The following AMY1C variants were observed in gnomAD, a reference collection of about 807,000 sequenced individuals.
The protein encoded by AMY1C is alpha-amylase 1C.
Under a neutral mutation model 13.4 loss-of-function variants are expected in AMY1C, and 3 were observed. The observed-to-expected ratio is 0.22, with a 90% CI of 0.10 to 0.58. The LOEUF (loss-of-function observed/expected upper bound fraction) is 0.58, where lower values mean the gene tolerates loss of function less well. Among genes scored for constraint, AMY1C ranks in the 20% least tolerant of loss-of-function variants. AMY1C has a pLI of 0.91. For synonymous variants in AMY1C, 1 was observed against 28.5 expected, an observed-to-expected ratio of 0.04 and a Z score of 3.07; for missense variants, 5 against 96.4, an observed-to-expected ratio of 0.05 and a Z score of 3.97.
rs761349843 is a variant in AMY1C, at chr1:103,754,498, G to C, written c.879-1G>C. 7.5e-7 allele frequency: 1 copy of C among 1,328,518 alleles called. No homozygotes were observed. 82.3% of individuals were successfully genotyped at this position (1,328,518 alleles called of 1,614,324 possible). A position where few individuals can be genotyped will look rare whatever the true frequency, so the allele number is the denominator to read the frequency against. ...ACGTATATCTTATGTTTCAAAAATA[G>C]GAACTGGGGAGAAGGTTGGGGTTTC... is the stretch of plus-strand genomic sequence containing the variant. On this transcript the variant is annotated splice_acceptor_variant, in intron 6 of 10. Coordinates refer to ENST00000622339, the MANE Select transcript of AMY1C (RefSeq NM_001008219.3). LOFTEE classifies it high-confidence loss of function.
intron 8 of AMY1C, among the ~76,000 whole-genome samples, chr1:103,755,873 GT>G (rs1243236547): frequency 1.0e-4 from 14 of 137,768 alleles, no homozygotes; most frequent in Admixed American, 1.4e-4. Context: ...GTTACTCTGT[GT>G]TTTTTAATGA....
At chr1:103,754,903 A>G in intron 8 of AMY1C, 89 bp downstream of exon 8, 4 of 971,278 alleles carry the variant, frequency 4.1e-6, no homozygotes, top group Non-Finnish European at 4.3e-6. Context: ...TTAAGTGTTT[A>G]TTTATTCAAC....
chr1:103,755,994 A>G (rs1246790820), intron 8 of AMY1C, among the ~76,000 whole-genome samples: 3 of 141,636 alleles, frequency 2.1e-5, no homozygotes, highest in Non-Finnish European at 4.8e-5. Flanking sequence ...AAGAAGCATG[A>G]CGGCCTCCAA....
chr1:103,755,082 C>A (rs879756693), intron 8 of AMY1C, among the ~76,000 whole-genome samples: 161 of 66,422 alleles, frequency 2.4e-3, no homozygotes, highest in Non-Finnish European at 3.4e-3. Flanking sequence ...ATTAAAAAAA[C>A]CACTTAAAAA....
intron 8 of AMY1C, among the ~76,000 whole-genome samples, chr1:103,755,933 C>A (rs1398801732): frequency 2.1e-5 from 3 of 142,820 alleles, no homozygotes; most frequent in Non-Finnish European, 4.8e-5. Context: ...AAAATATGGT[C>A]AATTTATAAA....
intron 6 of AMY1C, 149 bp from the exon 7 acceptor site, chr1:103,754,348 GTA>G (rs1309720976): frequency 2.1e-3 from 970 of 466,660 alleles, no homozygotes; most frequent in East Asian, 2.7e-3. Flanking sequence ...GTGTGTGTGT[GTA>G]TATATATATA....
chr1:103,754,695 T>A lies in AMY1C; in HGVS notation c.1002-20T>A, dbSNP rs375625460. On this transcript the variant is annotated intron_variant, in intron 7 of 10. Coordinates refer to ENST00000622339, the MANE Select transcript of AMY1C (RefSeq NM_001008219.3). ...TGAATATTGTGATATTCTATGATAA[T>A]ATAATTATGTAACTTTCAGGCTGTA... is the stretch of plus-strand genomic sequence containing the variant. The A allele has an allele frequency of 9.1e-6, 14 of 1,544,182 alleles. 2 individuals carry two copies. Among genetic ancestry groups the A allele is most frequent in the Admixed American group, 2.0e-5 (1 of 50,780 alleles).
intron 1 of AMY1C, 68 bp from the exon 2 acceptor site, chr1:103,750,356 G>A (rs868134527): frequency 4.8e-6 from 1 of 209,108 alleles, no homozygotes; most frequent in Non-Finnish European, 6.3e-6. Context: ...TTCAGATTAT[G>A]AATAAACAGT....
At chr1:103,756,070 G>T (rs962571000) in intron 8 of AMY1C, among the ~76,000 whole-genome samples, 23 of 117,250 alleles carry the variant, frequency 2.0e-4, no homozygotes, top group South Asian at 3.4e-4. Context: ...TATAGCAAAA[G>T]AACTCATTAT....
chr1:103,754,517 G>A lies in AMY1C; in HGVS notation c.897G>A (p.Trp299Ter). Residue 299 changes from tryptophan (W) to a stop codon, truncating the protein, a stop_gained, in exon 7 of 11, where the codon TGG becomes TGA. Coordinates refer to ENST00000622339, the MANE Select transcript of AMY1C (RefSeq NM_001008219.3). LOFTEE classifies it high-confidence loss of function. ...AAAATAGGAACTGGGGAGAAGGTTG[G>A]GGTTTCATGCCTTCTGACAGAGCGC... ...MSYLKNWGEG[W>*]GFMPSDRALV... The A allele has an allele frequency of 3.5e-6, 5 of 1,417,028 alleles. 1 individual carries two copies. Among genetic ancestry groups the A allele is most frequent in the South Asian group, 1.1e-5 (1 of 87,812 alleles). 87.8% of individuals were successfully genotyped at this position (1,417,028 alleles called of 1,614,324 possible).
chr1:103,755,935 A>G (rs1653945745), intron 8 of AMY1C, among the ~76,000 whole-genome samples: 2 of 143,280 alleles, frequency 1.4e-5, no homozygotes, highest in South Asian at 4.8e-4. Context: ...AATATGGTCA[A>G]TTTATAAAAA....
At chr1:103,755,855 T>C (rs1445696373) in intron 8 of AMY1C, among the ~76,000 whole-genome samples, 1 of 134,006 alleles carries the variant, frequency 7.5e-6, no homozygotes, top group East Asian at 2.1e-4. Flanking sequence ...ACTGATAAAC[T>C]TCCTAGGGTT....
At chr1:103,755,557 C>T (rs1466669349) in intron 8 of AMY1C, among the ~76,000 whole-genome samples, 2 of 69,448 alleles carry the variant, frequency 2.9e-5, no homozygotes, top group Non-Finnish European at 5.9e-5. Context: ...ATGAGTCACA[C>T]AGATATCTAG....
chr1:103,755,591 A>G (rs1239252970), intron 8 of AMY1C, among the ~76,000 whole-genome samples: 3 of 79,190 alleles, frequency 3.8e-5, no homozygotes, highest in Non-Finnish European at 8.2e-5. Flanking sequence ...GATTCCTTTC[A>G]GTTTGAGAAG....
At chr1:103,755,661 T>C (rs1200630365) in intron 8 of AMY1C, among the ~76,000 whole-genome samples, 1 of 106,234 alleles carries the variant, frequency 9.4e-6, no homozygotes, top group Non-Finnish European at 2.2e-5. Flanking sequence ...TTAGAAGGTG[T>C]ACTTTTATAT....
chr1:103,750,108 T>C (rs1653859453), intron 1 of AMY1C, 42 bp downstream of exon 1: 1 of 72,922 alleles, frequency 1.4e-5, no homozygotes, highest in Admixed American at 1.7e-4. Flanking sequence ...AGTTTTTTAG[T>C]ATGCAATTCT....
intron 8 of AMY1C, among the ~76,000 whole-genome samples, chr1:103,756,046 T>A (rs1369889564): frequency 7.5e-6 from 1 of 132,568 alleles, no homozygotes; most frequent in African/African-American, 2.5e-5. Context: ...TTTTCACATA[T>A]ATTACTTAAT....
rs1242960931 is a variant in AMY1C at position 103,750,520 on chromosome 1, T to G, written c.51T>G (p.Tyr17Ter). ...CCATTGGGTTCTGCTGGGCTCAGTA[T>G]TCCTCAAATACACAACAAGGACGAA... ...LFTIGFCWAQ[Y>*]SSNTQQGRTS... The change falls in exon 2 of 11, where the codon TAT becomes TAG. Residue 17 changes from tyrosine (Y) to a stop codon, truncating the protein, a stop_gained. Transcript: ENST00000622339. LOFTEE classifies it high-confidence loss of function. The G allele has an allele frequency of 1.4e-5, 4 of 276,676 alleles. No homozygotes were observed. Among genetic ancestry groups the G allele is most frequent in the Non-Finnish European group, 2.5e-5 (4 of 160,254 alleles). The allele number at this position is 276,676 out of a possible 1,614,324, so 17.1% of individuals were successfully genotyped here.
At chr1:103,755,981 A>G (rs1331265038) in intron 8 of AMY1C, among the ~76,000 whole-genome samples, 3 of 142,374 alleles carry the variant, frequency 2.1e-5, no homozygotes, top group Non-Finnish European at 1.6e-5. Flanking sequence ...ACATTTATCT[A>G]AAAAGAAGCA....
Sources: gnomAD v4.1 joint callset for allele counts (sites outside exome capture counted in the v4.1 genomes callset) on GRCh38, gnomAD v4.1.1 for gene constraint, MANE v1.5 for transcripts, NCBI Gene and HGNC (gene_info 2026-07-23, HGNC 2026-07-21) for gene names.